NRXN1: variants seen among roughly 807,000 people sequenced by gnomAD.
NRXN1 encodes neurexin-1.
In NRXN1, 39 loss-of-function variants were observed where a neutral mutation model predicts 150.9. That is an observed-to-expected ratio of 0.26 (90% confidence interval 0.20 to 0.34). NRXN1 has a LOEUF of 0.34. Among genes scored for constraint, NRXN1 ranks in the 10% least tolerant of loss-of-function variants. NRXN1 has a pLI of 1.00. For synonymous variants in NRXN1, 924 were observed against 757.0 expected, an observed-to-expected ratio of 1.22 and a Z score of -3.62; for missense variants, 1,815 against 1,949.9, an observed-to-expected ratio of 0.93 and a Z score of 1.30.
At chr2:50,823,804 G>A (rs1670066606) in intron 5 of NRXN1, among the ~76,000 whole-genome samples, 1 of 152,106 alleles carries the variant, frequency 6.6e-6, no homozygotes, top group Non-Finnish European at 1.5e-5. Flanking sequence ...CAATGTTAAA[G>A]AATCAAACAG....
At chr2:50,026,825 G>GCTACTCAC (rs1223654629) in intron 21 of NRXN1, among the ~76,000 whole-genome samples, 3 of 135,030 alleles carry the variant, frequency 2.2e-5, no homozygotes, top group Non-Finnish European at 3.1e-5. Context: ...ATATTTATGT[G>GCTACTCAC]CTACTCACTT....
At chr2:50,018,879 C>G (rs375590034) in intron 21 of NRXN1, among the ~76,000 whole-genome samples, 2 of 152,164 alleles carry the variant, frequency 1.3e-5, no homozygotes, top group East Asian at 3.9e-4. Flanking sequence ...GAAAAATCCT[C>G]TTTCATATCG....
chr2:50,529,235 G>A (rs1057302180), intron 11 of NRXN1, among the ~76,000 whole-genome samples: 1 of 152,112 alleles, frequency 6.6e-6, no homozygotes, highest in Non-Finnish European at 1.5e-5. Context: ...CATACCTTGC[G>A]TTAATTGGAG....
chr2:50,740,507 C>T (rs1032183460), intron 5 of NRXN1, among the ~76,000 whole-genome samples: 2 of 152,028 alleles, frequency 1.3e-5, no homozygotes, highest in African/African-American at 2.4e-5. Flanking sequence ...TGTCAAACTA[C>T]CTGAGCTTTG....
intron 5 of NRXN1, among the ~76,000 whole-genome samples, chr2:50,823,847 T>C (rs1026593232): frequency 7.9e-5 from 12 of 152,162 alleles, no homozygotes; most frequent in African/African-American, 2.7e-4. Context: ...AGAGTTACTA[T>C]GTTGGAGGTA....
At chr2:50,893,695 C>T (rs1366541529) in intron 5 of NRXN1, among the ~76,000 whole-genome samples, 1 of 152,096 alleles carries the variant, frequency 6.6e-6, no homozygotes, top group Non-Finnish European at 1.5e-5. Flanking sequence ...CATATACATT[C>T]ACAATTATAA....
chr2:50,805,953 C>CT (rs1667455962), intron 5 of NRXN1, among the ~76,000 whole-genome samples: 1 of 152,076 alleles, frequency 6.6e-6, no homozygotes, highest in Non-Finnish European at 1.5e-5. Flanking sequence ...TATATTTTGG[C>CT]TGTTTCTCAA....
chr2:50,610,750 ATATT>A (rs1677964744), intron 8 of NRXN1, among the ~76,000 whole-genome samples: 1 of 126,538 alleles, frequency 7.9e-6, no homozygotes, highest in African/African-American at 3.3e-5. Context: ...GCTTGTAATT[ATATT>A]TATATATATA....
chr2:50,444,110 T>A (rs1425355648), intron 17 of NRXN1, among the ~76,000 whole-genome samples: 1 of 152,160 alleles, frequency 6.6e-6, no homozygotes, highest in East Asian at 1.9e-4. Flanking sequence ...TTTATAAATT[T>A]CCGTCCAATG....
chr2:50,987,874 C>G (rs1697959194), intron 2 of NRXN1, among the ~76,000 whole-genome samples: 1 of 151,950 alleles, frequency 6.6e-6, no homozygotes, highest in Non-Finnish European at 1.5e-5. Context: ...AAAAGGAACA[C>G]TACGAAACAC....
chr2:50,920,454 T>C (rs1438505984), intron 5 of NRXN1, among the ~76,000 whole-genome samples: 9 of 151,748 alleles, frequency 5.9e-5, no homozygotes, highest in Non-Finnish European at 1.2e-4. Context: ...ATAACAAATA[T>C]ACGAGTGTAT....
intron 5 of NRXN1, among the ~76,000 whole-genome samples, chr2:50,813,835 T>C (rs1668556266): frequency 6.6e-6 from 1 of 152,190 alleles, no homozygotes; most frequent in South Asian, 2.1e-4. Flanking sequence ...GGGGCCTTAC[T>C]TCACTGAACT....
chr2:50,956,415 T>C (rs1158531538), intron 2 of NRXN1, among the ~76,000 whole-genome samples: 2 of 152,108 alleles, frequency 1.3e-5, no homozygotes. Context: ...ACTAGCTACT[T>C]ACTCACTAAC....
intron 2 of NRXN1, among the ~76,000 whole-genome samples, chr2:51,017,438 C>G (rs929301846): frequency 2.9e-4 from 41 of 139,310 alleles, no homozygotes; most frequent in African/African-American, 9.9e-4. Flanking sequence ...TGGGATCAAG[C>G]AATCTTCACA....
intron 21 of NRXN1, chr2:49,972,539 T>A (rs573184016): frequency 1.3e-5 from 2 of 152,296 alleles, no homozygotes; most frequent in South Asian, 4.1e-4. Context: ...ATAAGTTTAG[T>A]ATTAATTGCC....
chr2:50,328,583 A>G (rs951061523), intron 17 of NRXN1, among the ~76,000 whole-genome samples: 1 of 152,066 alleles, frequency 6.6e-6, no homozygotes, highest in African/African-American at 2.4e-5. Flanking sequence ...AAAATACAAA[A>G]AAAAATAGCT....
chr2:50,884,465 C>T (rs1054576305), intron 5 of NRXN1, among the ~76,000 whole-genome samples: 2 of 151,620 alleles, frequency 1.3e-5, no homozygotes, highest in African/African-American at 4.8e-5. Flanking sequence ...AAAGCAACTC[C>T]AACTTCTACT....
chr2:50,966,396 G>A (rs1694086845), intron 2 of NRXN1, among the ~76,000 whole-genome samples: 1 of 151,328 alleles, frequency 6.6e-6, no homozygotes, highest in South Asian at 2.1e-4. Flanking sequence ...CCTGTAGCCT[G>A]TAGGTCTGGC....
At chr2:50,106,081 A>G (rs918073167) in intron 18 of NRXN1, among the ~76,000 whole-genome samples, 1 of 151,934 alleles carries the variant, frequency 6.6e-6, no homozygotes, top group African/African-American at 2.4e-5. Flanking sequence ...TAAAAACATA[A>G]TGACCACTTC....
Sources: gnomAD v4.1 joint callset for allele counts (sites outside exome capture counted in the v4.1 genomes callset) on GRCh38, gnomAD v4.1.1 for gene constraint, MANE v1.5 for transcripts, NCBI Gene and HGNC (gene_info 2026-07-23, HGNC 2026-07-21) for gene names.